The following RAB38 variants were observed in gnomAD, a reference collection of about 807,000 sequenced individuals.
RAB38 encodes the protein ras-related protein Rab-38.
RAB38 carries 15 observed loss-of-function variants against 18.4 expected under a neutral mutation model. That is an observed-to-expected ratio of 0.82 (90% confidence interval 0.55 to 1.26). The LOEUF (loss-of-function observed/expected upper bound fraction) is 1.26, where lower values mean the gene tolerates loss of function less well. Ranked by LOEUF, RAB38 falls within the 50% of genes most tolerant of loss-of-function variation. The pLI is 0.00. For missense variants in RAB38, 294 were observed against 267.4 expected, an observed-to-expected ratio of 1.10 and a Z score of -0.69; for synonymous variants, 101 against 104.4, an observed-to-expected ratio of 0.97 and a Z score of 0.20.
At chr11:87,965,851 G>C in the RAB38 span, among the ~76,000 whole-genome samples, 1 of 152,104 alleles carries the variant, frequency 6.6e-6, no homozygotes, top group Non-Finnish European at 1.5e-5. Context: ...GTGCATTATG[G>C]GTTAAGACAG....
the RAB38 span, among the ~76,000 whole-genome samples, chr11:87,819,016 A>C: frequency 6.6e-6 from 1 of 152,196 alleles, no homozygotes; most frequent in Non-Finnish European, 1.5e-5. Context: ...ATTCTATAAC[A>C]CTGGTGATGA....
the RAB38 span, among the ~76,000 whole-genome samples, chr11:88,105,924 T>C: frequency 6.6e-6 from 1 of 152,194 alleles, no homozygotes. Flanking sequence ...GTAGTAATGA[T>C]GATTAAATGA....
the RAB38 span, among the ~76,000 whole-genome samples, chr11:88,082,190 A>ATATT: frequency 1.3e-5 from 2 of 151,886 alleles, no homozygotes; most frequent in Non-Finnish European, 2.9e-5. Context: ...ACATATCTAT[A>ATATT]TATTTGCCAA....
chr11:88,078,501 A>ATATATGTG, the RAB38 span, among the ~76,000 whole-genome samples: 1 of 148,682 alleles, frequency 6.7e-6, no homozygotes, highest in African/African-American at 2.5e-5. Context: ...GTGTGTATAT[A>ATATATGTG]TGTGTGTGTG....
At chr11:87,910,766 G>A in the RAB38 span, among the ~76,000 whole-genome samples, 28 of 149,254 alleles carry the variant, frequency 1.9e-4, no homozygotes, top group Non-Finnish European at 3.0e-4. Context: ...TCAGTCTCCC[G>A]AGTAGCTGGG....
chr11:87,937,160 A>T, the RAB38 span, among the ~76,000 whole-genome samples: 1 of 151,550 alleles, frequency 6.6e-6, no homozygotes, highest in African/African-American at 2.4e-5. Context: ...TATTATCTGA[A>T]TGAGTATTGA....
At chr11:87,813,457 G>T in the RAB38 span, among the ~76,000 whole-genome samples, 7 of 151,592 alleles carry the variant, frequency 4.6e-5, no homozygotes, top group Non-Finnish European at 8.8e-5. Context: ...CATCTTCTGT[G>T]ACTCAGAAAA....
At chr11:88,149,456 A>G (rs1001582739) in intron 2 of RAB38, among the ~76,000 whole-genome samples, 1 of 152,182 alleles carries the variant, frequency 6.6e-6, no homozygotes, top group African/African-American at 2.4e-5. Flanking sequence ...AACCTTGTAC[A>G]AGTTGCTTTC....
the RAB38 span, among the ~76,000 whole-genome samples, chr11:87,969,698 A>C: frequency 4.6e-5 from 7 of 152,184 alleles, no homozygotes; most frequent in Non-Finnish European, 1.0e-4. Context: ...ATTTTAGTAC[A>C]GAACAGATGC....
At chr11:87,952,975 TTAAACA>T in the RAB38 span, among the ~76,000 whole-genome samples, 1 of 152,108 alleles carries the variant, frequency 6.6e-6, no homozygotes, top group South Asian at 2.1e-4. Flanking sequence ...TTTAAAACAT[TTAAACA>T]TAAAACATTT....
chr11:87,949,391 C>T, the RAB38 span, among the ~76,000 whole-genome samples: 2 of 152,254 alleles, frequency 1.3e-5, no homozygotes, highest in African/African-American at 2.4e-5. Flanking sequence ...CTATTTCCTT[C>T]AGTTCTGCTC....
At chr11:88,155,639 CA>C (rs1943116425) in intron 1 of RAB38, among the ~76,000 whole-genome samples, 2 of 152,174 alleles carry the variant, frequency 1.3e-5, no homozygotes, top group South Asian at 4.1e-4. Flanking sequence ...AATATGAATG[CA>C]GTGACACCAT....
chr11:87,811,288 G>A, the RAB38 span, among the ~76,000 whole-genome samples: 1 of 152,148 alleles, frequency 6.6e-6, no homozygotes, highest in South Asian at 2.1e-4. Context: ...TCTGCATTCA[G>A]TTAACACTAA....
the RAB38 span, among the ~76,000 whole-genome samples, chr11:87,832,541 T>C: frequency 1.3e-5 from 2 of 152,168 alleles, no homozygotes; most frequent in African/African-American, 4.8e-5. Context: ...CTGAAGCCCC[T>C]GTTTTCTTAT....
the RAB38 span, among the ~76,000 whole-genome samples, chr11:87,917,527 G>A: frequency 4.4e-4 from 51 of 114,774 alleles, no homozygotes; most frequent in Non-Finnish European, 7.3e-4. Context: ...TCTCACTGAA[G>A]TGTTTTTTTT....
chr11:87,931,148 C>T, the RAB38 span, among the ~76,000 whole-genome samples: 4 of 152,140 alleles, frequency 2.6e-5, 1 homozygote, highest in South Asian at 8.3e-4. Flanking sequence ...TATAAATTAC[C>T]TTGGGCAGTA....
At chr11:87,829,093 A>G in the RAB38 span, among the ~76,000 whole-genome samples, 1 of 152,220 alleles carries the variant, frequency 6.6e-6, no homozygotes, top group Non-Finnish European at 1.5e-5. Flanking sequence ...AACCTAGGAT[A>G]AAATTATTGT....
the RAB38 span, among the ~76,000 whole-genome samples, chr11:87,928,251 T>A: frequency 7.2e-5 from 11 of 152,084 alleles, no homozygotes; most frequent in African/African-American, 2.4e-4. Context: ...GTACTTTTAA[T>A]AACAAATTAC....
the RAB38 span, among the ~76,000 whole-genome samples, chr11:87,943,414 C>T: frequency 6.6e-6 from 1 of 152,074 alleles, no homozygotes; most frequent in South Asian, 2.1e-4. Context: ...TGGTTCTTCC[C>T]CTCTGGTATC....
Sources: gnomAD v4.1 joint callset for allele counts (sites outside exome capture counted in the v4.1 genomes callset) on GRCh38, gnomAD v4.1.1 for gene constraint, MANE v1.5 for transcripts, NCBI Gene and HGNC (gene_info 2026-07-23, HGNC 2026-07-21) for gene names.